Variants in PCDH15 observed in about 807,000 individuals in gnomAD.
PCDH15 encodes the protein protocadherin related 15.
PCDH15 carries 129 observed loss-of-function variants against 178.5 expected under a neutral mutation model. That is an observed-to-expected ratio of 0.72 (90% CI 0.63 to 0.84). The LOEUF is 0.84. PCDH15 is among the 40% of genes least tolerant of loss of function. PCDH15 has a pLI of 0.00. For missense variants in PCDH15, 2,230 were observed against 2,099.9 expected (o/e 1.06, Z -1.21); for synonymous variants, 800 against 732.0 (o/e 1.09, Z -1.50).
At chr10:54,167,855 C>T (rs1332762574) in intron 13 of PCDH15, among the ~76,000 whole-genome samples, 1 of 150,528 alleles carries the variant, frequency 6.6e-6, no homozygotes, top group Admixed American at 6.7e-5. Flanking sequence ...TGCCCCGACC[C>T]CTTATTTCTG....
At chr10:53,916,729 A>G (rs1281496509) in intron 25 of PCDH15, among the ~76,000 whole-genome samples, 1 of 152,196 alleles carries the variant, frequency 6.6e-6, no homozygotes, top group Non-Finnish European at 1.5e-5. Context: ...ATGCTGTGTG[A>G]CCTTATACAG....
chr10:53,869,453 C>T (rs1342052936), intron 26 of PCDH15, among the ~76,000 whole-genome samples: 2 of 152,220 alleles, frequency 1.3e-5, no homozygotes, highest in African/African-American at 2.4e-5. Context: ...GGCCTAATGT[C>T]AGATCAGTCA....
intron 2 of PCDH15, among the ~76,000 whole-genome samples, chr10:55,576,004 A>G (rs16907523): frequency 0.32 from 48,421 of 151,908 alleles, 7,954 homozygotes; most frequent in African/African-American, 0.41. Context: ...CTTTCACTCT[A>G]TTCACCACCT....
intron 23 of PCDH15, 44 bp downstream of exon 23, chr10:53,959,688 C>T (rs200265025): frequency 2.6e-5 from 37 of 1,440,690 alleles, no homozygotes; most frequent in African/African-American, 8.4e-5. Flanking sequence ...TTCAAAAATG[C>T]CCTAAACATT....
intron 2 of PCDH15, among the ~76,000 whole-genome samples, chr10:55,076,593 C>T (rs1340074531): frequency 6.6e-6 from 1 of 151,304 alleles, no homozygotes; most frequent in African/African-American, 2.4e-5. Flanking sequence ...TATAGGTGCA[C>T]ACCACCATGG....
intron 2 of PCDH15, among the ~76,000 whole-genome samples, chr10:55,007,823 A>G (rs1171887857): frequency 6.6e-6 from 1 of 152,150 alleles, no homozygotes; most frequent in East Asian, 1.9e-4. Flanking sequence ...TGTAAATGGT[A>G]TAAAAATATA....
At chr10:54,329,891 T>A (rs1180841085) in intron 6 of PCDH15, among the ~76,000 whole-genome samples, 185 bp from the exon 7 acceptor site, 1 of 151,896 alleles carries the variant, frequency 6.6e-6, no homozygotes, top group Non-Finnish European at 1.5e-5. Flanking sequence ...GATCAATGGG[T>A]TTCCCCAGAG....
At chr10:54,038,785 T>A (rs1044690124) in intron 18 of PCDH15, among the ~76,000 whole-genome samples, 1 of 151,934 alleles carries the variant, frequency 6.6e-6, no homozygotes, top group Non-Finnish European at 1.5e-5. Flanking sequence ...CTTGGATTGG[T>A]TTTTTTCTTA....
intron 3 of PCDH15, among the ~76,000 whole-genome samples, chr10:54,842,946 T>C (rs138678754): frequency 9.4e-4 from 143 of 152,010 alleles, no homozygotes; most frequent in African/African-American, 2.5e-3. Context: ...ATAAGTGTCA[T>C]CGTATGTTAA....
At chr10:54,729,017 A>G (rs772764732) in intron 1 of PCDH15, among the ~76,000 whole-genome samples, 1 of 151,668 alleles carries the variant, frequency 6.6e-6, no homozygotes, top group Non-Finnish European at 1.5e-5. Flanking sequence ...TACAAATTCA[A>G]TGCTATTCCA....
At position 54,946,386 on chromosome 10, in the gene PCDH15, G is replaced by T. The variant is rs544069977; in HGVS notation, c.-79-48886C>A. Among the ~76,000 whole-genome samples, 3 of 151,822 alleles carry T rather than the reference G, an allele frequency of 2.0e-5. No individual in the cohort carries two copies. The East Asian group carries it at 5.8e-4, about 29-fold the overall frequency. ...CTCACGCCTTAACTGTGCTCCTTGG[G>T]TTAACACTGTCTCTTGGGTTAACAC... On this transcript the variant is annotated intron_variant, in intron 2 of 5. Coordinates refer to the PCDH15 transcript ENST00000458638.
intron 2 of PCDH15, among the ~76,000 whole-genome samples, chr10:54,617,317 T>A (rs1324477248): frequency 6.6e-6 from 1 of 152,160 alleles, no homozygotes; most frequent in East Asian, 1.9e-4. Flanking sequence ...TAAGATCTTG[T>A]AAGATGTAAA....
At chr10:54,572,032 T>A (rs1298009279) in intron 2 of PCDH15, among the ~76,000 whole-genome samples, 1 of 152,144 alleles carries the variant, frequency 6.6e-6, no homozygotes, top group African/African-American at 2.4e-5. Context: ...TTTGCACTCC[T>A]AAACCTCTGT....
intron 2 of PCDH15, among the ~76,000 whole-genome samples, chr10:55,506,659 A>G (rs1055102452): frequency 6.6e-6 from 1 of 151,566 alleles, no homozygotes; most frequent in Non-Finnish European, 1.5e-5. Context: ...ATTCAAGGCT[A>G]TAATTTTTAT....
At chr10:54,705,188 T>C (rs767195418) in intron 1 of PCDH15, among the ~76,000 whole-genome samples, 6 of 151,994 alleles carry the variant, frequency 3.9e-5, no homozygotes, top group East Asian at 1.9e-4. Context: ...AGGGTAAGGA[T>C]TGAAAAACTA....
chr10:55,239,511 T>C (rs1360589669), intron 1 of PCDH15, among the ~76,000 whole-genome samples: 2 of 152,158 alleles, frequency 1.3e-5, no homozygotes, highest in African/African-American at 4.8e-5. Context: ...AGAGTGAAAC[T>C]AGACCCCTCT....
At chr10:55,474,964 A>T in intron 2 of PCDH15, among the ~76,000 whole-genome samples, 1 of 152,104 alleles carries the variant, frequency 6.6e-6, no homozygotes, top group East Asian at 1.9e-4. Context: ...GTGTCTGCTC[A>T]AAATATCACC....
intron 1 of PCDH15, among the ~76,000 whole-genome samples, chr10:55,288,794 T>C (rs1842936986): frequency 6.6e-6 from 1 of 151,880 alleles, no homozygotes; most frequent in African/African-American, 2.4e-5. Flanking sequence ...TTTTAAAACC[T>C]TGACTATTGT....
chr10:54,952,194 A>C lies in PCDH15; in HGVS notation c.-79-54694T>G, dbSNP rs567527632. Among the ~76,000 whole-genome samples the C allele has an allele frequency of 3.9e-5, 6 of 151,992 alleles. No individual in the cohort carries two copies. In the East Asian group the frequency reaches 1.2e-3, roughly 29 times the overall value. On this transcript the variant is annotated intron_variant, in intron 2 of 5. Transcript: ENST00000458638. ...TCCATTTTGAACTAATTTTCATGAA[A>C]AGTCTGTGTCTAGATTAATATTTTA...
Sources: allele counts gnomAD v4.1 joint callset (sites outside exome capture counted in the v4.1 genomes callset), GRCh38; gene constraint gnomAD v4.1.1; transcripts MANE v1.5; gene names NCBI Gene and HGNC (gene_info 2026-07-23, HGNC 2026-07-21).